SGCD: variants seen among roughly 807,000 people sequenced by gnomAD.
The protein encoded by SGCD is sarcoglycan delta.
Under a neutral mutation model 36.6 loss-of-function variants are expected in SGCD, and 18 were observed. The observed-to-expected ratio is 0.49, with a 90% confidence interval of 0.34 to 0.73. The LOEUF is 0.73. Among genes scored for constraint, SGCD ranks in the 30% least tolerant of loss-of-function variants. SGCD has a pLI of 0.01. For missense variants in SGCD, 387 were observed against 346.7 expected (o/e 1.12, Z -0.92); for synonymous variants, 133 against 130.6 (o/e 1.02, Z -0.12).
chr5:156,586,326 T>C (rs1389304533), intron 4 of SGCD, among the ~76,000 whole-genome samples: 1 of 152,234 alleles, frequency 6.6e-6, no homozygotes, highest in Non-Finnish European at 1.5e-5. Flanking sequence ...AGTGCCATTG[T>C]CTTTTTATCA....
chr5:156,725,298 G>T (rs2113791099), intron 7 of SGCD, among the ~76,000 whole-genome samples: 1 of 152,300 alleles, frequency 6.6e-6, no homozygotes, highest in Non-Finnish European at 1.5e-5. Context: ...ATGCTGTAGA[G>T]AGCCATTTCT....
intron 3 of SGCD, among the ~76,000 whole-genome samples, chr5:156,140,410 T>C (rs999112147): frequency 1.3e-5 from 2 of 152,116 alleles, no homozygotes; most frequent in Non-Finnish European, 2.9e-5. Flanking sequence ...GGTAGAAATG[T>C]GGATGCTGAA....
intron 3 of SGCD, among the ~76,000 whole-genome samples, chr5:156,219,848 TA>T (rs1298048381): frequency 6.6e-6 from 1 of 152,156 alleles, no homozygotes; most frequent in East Asian, 1.9e-4. Flanking sequence ...ATTGGAGAAG[TA>T]TTTTAGATCC....
intron 1 of SGCD, among the ~76,000 whole-genome samples, chr5:156,086,954 C>G (rs1479165752): frequency 3.9e-5 from 6 of 152,132 alleles, no homozygotes; most frequent in Non-Finnish European, 7.3e-5. Context: ...TGGAATGGAA[C>G]TGATTTACTT....
chr5:155,786,650 G>A, the SGCD span, among the ~76,000 whole-genome samples: 2 of 152,218 alleles, frequency 1.3e-5, no homozygotes, highest in East Asian at 1.9e-4. Context: ...GACCACCATC[G>A]CTTCTCTTAC....
chr5:156,324,733 C>T (rs993252958), upstream of SGCD, among the ~76,000 whole-genome samples: 20 of 151,056 alleles, frequency 1.3e-4, no homozygotes, highest in African/African-American at 4.7e-4. Flanking sequence ...ACTTCTTCAA[C>T]TATTTAAAAC....
intron 1 of SGCD, among the ~76,000 whole-genome samples, chr5:156,083,586 C>T (rs1480443621): frequency 1.4e-5 from 2 of 145,142 alleles, no homozygotes; most frequent in Admixed American, 6.8e-5. Context: ...TGAGCCACTG[C>T]ACCCGGCCCA....
In SGCD at chr5:156,406,815, TATATACACACAC is replaced by T. The variant is rs1318777481; in HGVS notation, c.192+62140_192+62151del. On this transcript the variant is annotated intron_variant, in intron 3 of 8. Transcript: ENST00000337851. Reference sequence around the variant, plus strand: ...TTATATATATATATATATATATATATATATACACACACACACACACACACACATATATATGTG... The same window carrying T: ...TTATATATATATATATATATATATATACACACACACACACATATATATGTG... 4.7e-3 allele frequency among the ~76,000 whole-genome samples: 524 copies of T among 110,954 alleles called. 12 individuals carry two copies. The highest frequency in any genetic ancestry group is 0.01 in the Middle Eastern group (2 of 192). The allele number at this position is 110,954 out of a possible 152,430, so 72.8% of individuals were successfully genotyped here.
chr5:156,340,084 CT>C (rs1393763991), intron 2 of SGCD, among the ~76,000 whole-genome samples: 6 of 152,122 alleles, frequency 3.9e-5, no homozygotes, highest in Non-Finnish European at 7.4e-5. Context: ...TATACATAAC[CT>C]ACAAACCCAA....
intron 3 of SGCD, among the ~76,000 whole-genome samples, chr5:156,415,679 A>G (rs1237636088): frequency 6.6e-6 from 1 of 152,204 alleles, no homozygotes; most frequent in East Asian, 1.9e-4. Context: ...TTTAGTGAAA[A>G]AGGAAGCAGG....
intron 1 of SGCD, among the ~76,000 whole-genome samples, chr5:155,890,271 G>A (rs1343594948): frequency 6.7e-6 from 1 of 150,282 alleles, no homozygotes; most frequent in African/African-American, 2.5e-5. Context: ...AACTCATTAT[G>A]GCCAAGCCTT....
chr5:156,337,459 A>G (rs368282836), intron 2 of SGCD, among the ~76,000 whole-genome samples: 3 of 151,928 alleles, frequency 2.0e-5, no homozygotes, highest in South Asian at 4.2e-4. Context: ...CTTTCTACAA[A>G]CTCACCTCTC....
intron 3 of SGCD, among the ~76,000 whole-genome samples, chr5:156,438,464 T>C (rs1753343150): frequency 6.6e-6 from 1 of 152,162 alleles, no homozygotes; most frequent in Admixed American, 6.6e-5. Context: ...GGTTGTTTTT[T>C]TCATGCACAG....
At chr5:156,017,098 G>A (rs1476137653) in intron 1 of SGCD, among the ~76,000 whole-genome samples, 1 of 152,112 alleles carries the variant, frequency 6.6e-6, no homozygotes, top group African/African-American at 2.4e-5. Flanking sequence ...CCAACTAATG[G>A]TTGGGAAATT....
intron 3 of SGCD, among the ~76,000 whole-genome samples, chr5:156,405,230 C>A (rs1033676457): frequency 2.0e-5 from 3 of 152,174 alleles, no homozygotes; most frequent in African/African-American, 7.2e-5. Flanking sequence ...CCTTGTAAGA[C>A]CCTCTTCAGA....
At chr5:156,148,658 G>A (rs1001158286) in intron 3 of SGCD, among the ~76,000 whole-genome samples, 8 of 152,122 alleles carry the variant, frequency 5.3e-5, no homozygotes, top group Non-Finnish European at 1.2e-4. Context: ...TGGGAAAGAA[G>A]GCAGTTTATT....
At chr5:156,223,679 G>A (rs1228327519) in intron 3 of SGCD, among the ~76,000 whole-genome samples, 2 of 152,036 alleles carry the variant, frequency 1.3e-5, no homozygotes, top group African/African-American at 2.4e-5. Flanking sequence ...AGAGCATGGG[G>A]CTGACATTAG....
At chr5:156,023,000 G>T (rs1352892949) in intron 1 of SGCD, among the ~76,000 whole-genome samples, 1 of 152,214 alleles carries the variant, frequency 6.6e-6, no homozygotes, top group Non-Finnish European at 1.5e-5. Context: ...GTGTAGCACA[G>T]TGGGGAGAGC....
At chr5:156,185,403 A>G (rs1218235327) in intron 3 of SGCD, among the ~76,000 whole-genome samples, 4 of 151,660 alleles carry the variant, frequency 2.6e-5, no homozygotes, top group Middle Eastern at 6.8e-3. Context: ...TTTAGCAGAG[A>G]CGGGGTTTCA....
Sources: allele counts gnomAD v4.1 joint callset (sites outside exome capture counted in the v4.1 genomes callset), GRCh38; gene constraint gnomAD v4.1.1; transcripts MANE v1.5; gene names NCBI Gene and HGNC (gene_info 2026-07-23, HGNC 2026-07-21).